Variants in NCOR2 observed in about 807,000 individuals in gnomAD.
NCOR2 encodes CTG repeat protein 26.
NCOR2 carries 81 observed loss-of-function variants against 262.9 expected under a neutral mutation model. The ratio of observed to expected loss-of-function variants is 0.31; its 90% CI spans 0.26 to 0.37. The LOEUF (loss-of-function observed/expected upper bound fraction) is 0.37, where lower values mean the gene tolerates loss of function less well. Ranked by LOEUF, NCOR2 falls within the 10% of genes least tolerant of loss-of-function variation. The probability of loss-of-function intolerance (pLI) is 1.00; values close to 1 mark genes in which losing one functional copy is unlikely to be tolerated. For missense variants in NCOR2, 3,385 were observed against 3,621.4 expected (o/e 0.93, Z 1.68); for synonymous variants, 1,659 against 1,559.3 (o/e 1.06, Z -1.51).
intron 20 of NCOR2, among the ~76,000 whole-genome samples, chr12:124,368,268 G>T (rs931168381): frequency 3.9e-5 from 6 of 152,184 alleles, no homozygotes; most frequent in African/African-American, 1.4e-4. Flanking sequence ...CATGAAGGCC[G>T]GTTGGGGGGC....
intron 22 of NCOR2, among the ~76,000 whole-genome samples, chr12:124,358,434 G>A (rs1373938017): frequency 6.6e-6 from 1 of 152,204 alleles, no homozygotes; most frequent in Admixed American, 6.5e-5. Context: ...GCCTGTGTGT[G>A]TGTGTTGTGG....
chr12:124,424,348 A>C (rs1241580415), intron 11 of NCOR2, among the ~76,000 whole-genome samples: 2 of 152,164 alleles, frequency 1.3e-5, no homozygotes, highest in Non-Finnish European at 2.9e-5. Flanking sequence ...AACTGTAAGA[A>C]GCATTCGACG....
chr12:124,346,515 C>CT (rs2036948519), intron 31 of NCOR2, 49 bp downstream of exon 33: 2 of 1,454,372 alleles, frequency 1.4e-6, no homozygotes, highest in Non-Finnish European at 1.8e-6. Context: ...CCCACAGCCA[C>CT]CGCCACCCCT....
At chr12:124,431,060 GAC>G (rs1336104037) in intron 8 of NCOR2, among the ~76,000 whole-genome samples, 2 of 150,482 alleles carry the variant, frequency 1.3e-5, no homozygotes, top group African/African-American at 2.5e-5. Flanking sequence ...CATATACTCA[GAC>G]ACAGTCACAG....
At chr12:124,426,629 G>A (rs1332749450) in exon 11 of NCOR2, 2 of 1,583,920 alleles carry the variant, frequency 1.3e-6, no homozygotes, top group Non-Finnish European at 1.7e-6. Flanking sequence ...CACTTCTCCC[G>A]GAAGGTCTCC....
At chr12:124,330,641 A>G (rs942689560) in intron 44 of NCOR2, among the ~76,000 whole-genome samples, 13 of 152,218 alleles carry the variant, frequency 8.5e-5, no homozygotes, top group Non-Finnish European at 1.9e-4. Context: ...TTCCCTGCAC[A>G]GCGAGGATCC....
At chr12:124,512,664 G>A (rs1190326180) in intron 1 of NCOR2, among the ~76,000 whole-genome samples, 6 of 152,096 alleles carry the variant, frequency 3.9e-5, no homozygotes, top group Non-Finnish European at 8.8e-5. Flanking sequence ...GCCTAGCTCT[G>A]AGCCCAAGCC....
At chr12:124,331,220 G>A (rs1213823488) in intron 43 of NCOR2, among the ~76,000 whole-genome samples, 4 of 151,852 alleles carry the variant, frequency 2.6e-5, no homozygotes, top group Non-Finnish European at 5.9e-5. Context: ...CCGCCACCAC[G>A]CCTGGCTAAT....
intron 14 of NCOR2, among the ~76,000 whole-genome samples, chr12:124,402,042 C>A (rs543914918): frequency 1.1e-4 from 17 of 152,174 alleles, no homozygotes; most frequent in South Asian, 1.0e-3. Flanking sequence ...CCCTTTCCCC[C>A]TTCCTGGCGC....
rs543183687 is a variant in NCOR2 at position 124,417,573 on chromosome 12, G to A, written c.1482+2384C>T. Among the ~76,000 whole-genome samples the A allele has an allele frequency of 2.0e-5, 3 of 152,292 alleles. No individual in the cohort carries two copies. The East Asian group carries it at 5.8e-4, about 29-fold the overall frequency. On this transcript the variant is annotated intron_variant, in intron 13 of 46. Coordinates refer to ENST00000405201, the Ensembl canonical transcript of NCOR2. ...ACTGGGAAGGCCAGCAAGAGAATGAGCATACAGTAGGGGCCCAACAGACGC... is the reference window on the plus strand; with the variant it reads ...ACTGGGAAGGCCAGCAAGAGAATGAACATACAGTAGGGGCCCAACAGACGC...
chr12:124,330,934 G>A, intron 43 of NCOR2, 36 bp from the exon 46 acceptor site: 1 of 1,562,634 alleles, frequency 6.4e-7, no homozygotes, highest in Non-Finnish European at 8.7e-7. Context: ...AGGCCCCCAG[G>A]TCTCTGGGAA....
intron 16 of NCOR2, among the ~76,000 whole-genome samples, chr12:124,396,883 A>G (rs970089493): frequency 3.3e-5 from 5 of 152,176 alleles, no homozygotes; most frequent in African/African-American, 1.2e-4. Context: ...AGCGTTTGCT[A>G]TAAAGGGCCT....
intron 34 of NCOR2, among the ~76,000 whole-genome samples, chr12:124,340,964 G>A (rs2036406965): frequency 6.6e-6 from 1 of 152,198 alleles, no homozygotes; most frequent in Admixed American, 6.5e-5. Context: ...CTGCTCCCAA[G>A]CCCGAGCCGG....
intron 13 of NCOR2, among the ~76,000 whole-genome samples, chr12:124,406,974 T>C (rs2042309505): frequency 5.9e-5 from 9 of 152,234 alleles, no homozygotes; most frequent in Admixed American, 5.2e-4. Flanking sequence ...CAACAACTGG[T>C]ATCATCCCAG....
At chr12:124,429,898 C>T (rs1391348930) in intron 9 of NCOR2, among the ~76,000 whole-genome samples, 192 bp from the exon 12 acceptor site, 1 of 152,224 alleles carries the variant, frequency 6.6e-6, no homozygotes, top group East Asian at 1.9e-4. Flanking sequence ...CAAGGCCAAA[C>T]CCTGTGACAT....
At chr12:124,461,815 C>T (rs1051946022) in intron 5 of NCOR2, among the ~76,000 whole-genome samples, 2 of 152,242 alleles carry the variant, frequency 1.3e-5, no homozygotes, top group African/African-American at 2.4e-5. Context: ...TGTGCCAATT[C>T]GTGGATGAAT....
upstream of NCOR2, among the ~76,000 whole-genome samples, chr12:124,537,118 G>A (rs2051137404): frequency 6.6e-6 from 1 of 152,160 alleles, no homozygotes; most frequent in Admixed American, 6.5e-5. Context: ...GCCTGCAGAG[G>A]TAGTCAAATA....
chr12:124,366,657 T>C (rs1451965495), intron 20 of NCOR2, among the ~76,000 whole-genome samples: 1 of 152,048 alleles, frequency 6.6e-6, no homozygotes, highest in African/African-American at 2.4e-5. Context: ...AAGGCACACA[T>C]CACCGTACCT....
intron 11 of NCOR2, among the ~76,000 whole-genome samples, chr12:124,423,017 A>G (rs962472968): frequency 6.6e-5 from 10 of 152,192 alleles, no homozygotes; most frequent in African/African-American, 2.2e-4. Flanking sequence ...CCTCCCCAGA[A>G]GAGCTGGGAG....
Sources: gnomAD v4.1 joint callset for allele counts (sites outside exome capture counted in the v4.1 genomes callset) on GRCh38, gnomAD v4.1.1 for gene constraint, MANE v1.5 for transcripts, NCBI Gene and HGNC (gene_info 2026-07-23, HGNC 2026-07-21) for gene names.